The following SMARCB1 variants were observed in gnomAD, a reference collection of about 807,000 sequenced individuals.
The protein encoded by SMARCB1 is SWI/SNF related BAF chromatin remodeling complex subunit B1, also known as SWI/SNF-related matrix-associated actin-dependent regulator of chromatin subfamily B member 1.
Under a neutral mutation model 49.0 loss-of-function variants are expected in SMARCB1, and 5 were observed. The ratio of observed to expected loss-of-function variants is 0.10; its 90% CI spans 0.05 to 0.21. The LOEUF is 0.21. Among genes scored for constraint, SMARCB1 ranks in the 10% least tolerant of loss-of-function variants. SMARCB1 has a pLI of 1.00. For missense variants in SMARCB1, 226 were observed against 509.2 expected, an observed-to-expected ratio of 0.44 and a Z score of 5.35; for synonymous variants, 201 against 200.1, an observed-to-expected ratio of 1.00 and a Z score of -0.04.
At chr22:23,804,751 C>A (rs1437522372) in intron 5 of SMARCB1, among the ~76,000 whole-genome samples, 2 of 152,174 alleles carry the variant, frequency 1.3e-5, no homozygotes, top group East Asian at 3.9e-4. Flanking sequence ...ACCATGTTAG[C>A]CAGGCTGGTC....
At position 23,837,117 on chromosome 22, in the gene SMARCB1, G is replaced by A. The variant is rs764620031; in HGVS notation, c.*2937G>A. The A allele has an allele frequency of 1.3e-5, 21 of 1,613,880 alleles. No individual in the cohort carries two copies. Among genetic ancestry groups the A allele is most frequent in the East Asian group, 4.5e-5 (2 of 44,888 alleles). On this transcript the variant is annotated 3_prime_UTR_variant, in exon 9 of 9. Coordinates refer to ENST00000644036, the MANE Select transcript of SMARCB1 (RefSeq NM_003073.5). ...TGCCTCCAGGCTGGTTGGGGAAGAC[G>A]TCCTCCAGGAAGTAGTAGATATGGC... is the stretch of plus-strand genomic sequence containing the variant.
chr22:23,788,891 C>G (rs1928185434), intron 1 of SMARCB1, among the ~76,000 whole-genome samples: 1 of 150,644 alleles, frequency 6.6e-6, no homozygotes, highest in Non-Finnish European at 1.5e-5. Flanking sequence ...ACTCTATCAC[C>G]CAGGCTGGAG....
At chr22:23,814,560 G>A (rs1200014999) in intron 5 of SMARCB1, among the ~76,000 whole-genome samples, 6 of 151,702 alleles carry the variant, frequency 4.0e-5, no homozygotes, top group Non-Finnish European at 7.4e-5. Context: ...AGCTACTCGG[G>A]CGGGTGAGGC....
At position 23,837,193 on chromosome 22, in the gene SMARCB1, G is replaced by A. The variant is rs1478562916; in HGVS notation, c.*3013G>A. The A allele has an allele frequency of 6.2e-7, 1 of 1,609,528 alleles. No individual in the cohort carries two copies. Among genetic ancestry groups the A allele is most frequent in the African/African-American group, 1.3e-5 (1 of 74,944 alleles). ...ACGGACTGTGGGGTCACCCTCCACA[G>A]CCCAGAGTCCTAGACCAGCAGAGCC... On this transcript the variant is annotated 3_prime_UTR_variant, in exon 9 of 9. Coordinates refer to ENST00000644036, the MANE Select transcript of SMARCB1 (RefSeq NM_003073.5).
At chr22:23,827,310 G>T (rs187036645) in intron 7 of SMARCB1, among the ~76,000 whole-genome samples, 2 of 152,302 alleles carry the variant, frequency 1.3e-5, no homozygotes, top group Non-Finnish European at 2.9e-5. Context: ...CTCTTGACAG[G>T]TCCTTGCAAC....
At chr22:23,813,825 T>A (rs1488827028) in intron 5 of SMARCB1, among the ~76,000 whole-genome samples, 2 of 152,072 alleles carry the variant, frequency 1.3e-5, no homozygotes, top group Admixed American at 6.6e-5. Context: ...GCAATTTATT[T>A]ATTATTATTA....
At chr22:23,787,642 C>T (rs1008215917) in intron 1 of SMARCB1, among the ~76,000 whole-genome samples, 1 of 152,140 alleles carries the variant, frequency 6.6e-6, no homozygotes, top group African/African-American at 2.4e-5. Flanking sequence ...GTAAATTTCA[C>T]GTGCACCCCT....
At chr22:23,802,974 C>T (rs1426663566) in intron 4 of SMARCB1, 4 of 446,514 alleles carry the variant, frequency 9.0e-6, no homozygotes, top group South Asian at 8.4e-5. Context: ...CTTCTCCTTT[C>T]CCATAGCCTT....
intron 7 of SMARCB1, among the ~76,000 whole-genome samples, chr22:23,828,783 G>A (rs528421764): frequency 6.6e-6 from 1 of 152,306 alleles, no homozygotes; most frequent in Admixed American, 6.5e-5. Context: ...TCGGCAGTGG[G>A]GACATTGATT....
intron 5 of SMARCB1, among the ~76,000 whole-genome samples, chr22:23,805,071 G>A (rs17003946): frequency 0.13 from 19,354 of 152,144 alleles, 1,336 homozygotes; most frequent in South Asian, 0.28. Context: ...ATCCCCAGGC[G>A]CTCAGCATGG....
At chr22:23,807,044 G>A (rs569823886) in intron 5 of SMARCB1, among the ~76,000 whole-genome samples, 1 of 152,076 alleles carries the variant, frequency 6.6e-6, no homozygotes, top group Non-Finnish European at 1.5e-5. Flanking sequence ...CACTGGTGAT[G>A]TATGGTGTCA....
At chr22:23,802,868 C>T (rs1929254694) in intron 4 of SMARCB1, 12 of 335,514 alleles carry the variant, frequency 3.6e-5, no homozygotes, top group South Asian at 2.4e-4. Flanking sequence ...CTGCTCCTCA[C>T]GGAATCTGTG....
chr22:23,816,388 C>G, intron 5 of SMARCB1: 1 of 393,018 alleles, frequency 2.5e-6, no homozygotes. Flanking sequence ...GCCATCACGT[C>G]TGCCACCAGT....
chr22:23,822,401 G>A (rs1474028800), intron 6 of SMARCB1, among the ~76,000 whole-genome samples: 1 of 152,212 alleles, frequency 6.6e-6, no homozygotes, highest in Non-Finnish European at 1.5e-5. Flanking sequence ...CTGCTTGGGA[G>A]TCCTGGCCCC....
intron 5 of SMARCB1, among the ~76,000 whole-genome samples, chr22:23,807,049 G>A (rs1171645204): frequency 6.6e-6 from 1 of 152,108 alleles, no homozygotes; most frequent in Non-Finnish European, 1.5e-5. Context: ...GTGATGTATG[G>A]TGTCACCTGG....
At chr22:23,833,145 C>T (rs1294279773) in intron 7 of SMARCB1, among the ~76,000 whole-genome samples, 4 of 152,188 alleles carry the variant, frequency 2.6e-5, no homozygotes, top group African/African-American at 7.2e-5. Flanking sequence ...CATCCATCCC[C>T]TTTCCCTGAT....
rs2146045094 is a variant in SMARCB1, at chr22:23,834,160, A to C, written c.1138A>C (p.Asn380His). The C allele has an allele frequency of 6.3e-7, 1 of 1,594,484 alleles. No homozygotes were observed. Among genetic ancestry groups the C allele is most frequent in the Non-Finnish European group, 8.5e-7 (1 of 1,170,870 alleles). Residue 380 changes from asparagine (N) to histidine (H), a missense_variant, in exon 9 of 9, where the codon AAC becomes CAC. Asn to His is a moderately conservative substitution (Grantham distance 68, BLOSUM62 1). Transcript: ENST00000644036. ...RNTRRMRRLA[N>H]TAPAW ...TTCCAGGCGGATGAGGCGTCTTGCC[A>C]ACACGGCCCCGGCCTGGTAACCAGC...
rs201408640 is a variant in SMARCB1, at chr22:23,810,527, C to CAAAAAA, written c.629-6228_629-6223dup. Among the ~76,000 whole-genome samples the CAAAAAA allele has an allele frequency of 1.9e-3, 145 of 75,164 alleles. 4 individuals carry two copies. Among genetic ancestry groups the CAAAAAA allele is most frequent in the Non-Finnish European group, 2.2e-3 (95 of 42,444 alleles). The allele number at this position is 75,164 out of a possible 152,430, so 49.3% of individuals were successfully genotyped here. A position where few individuals can be genotyped will look rare whatever the true frequency, so the allele number is the denominator to read the frequency against. On this transcript the variant is annotated intron_variant, in intron 5 of 8. Transcript: ENST00000644036. ...TGGGCAACAGAGCAAGACTCTGTCTCAAAAAAAAAAAAAAAAAAAAGAAAG... is the reference window on the plus strand; with the variant it reads ...TGGGCAACAGAGCAAGACTCTGTCTCAAAAAAAAAAAAAAAAAAAAAAAAAAGAAAG...
rs1397646576 is a variant in SMARCB1 at position 23,793,545 on chromosome 22, T to C, written c.233-14T>C. On this transcript the variant is annotated splice_polypyrimidine_tract_variant and intron_variant, in intron 2 of 8. Coordinates refer to ENST00000644036, the MANE Select transcript of SMARCB1 (RefSeq NM_003073.5). ...CCACCAGCAGAGTGACCCAGTGATGTTTGTCTGTTACAGATCACGGATACA... is the reference window on the plus strand; with the variant it reads ...CCACCAGCAGAGTGACCCAGTGATGCTTGTCTGTTACAGATCACGGATACA... 3.7e-6 allele frequency: 6 copies of C among 1,613,952 alleles called. No homozygotes were observed. The highest frequency in any genetic ancestry group is 1.6e-4 in the Middle Eastern group (1 of 6,082).
Sources: gnomAD v4.1 joint callset for allele counts (sites outside exome capture counted in the v4.1 genomes callset) on GRCh38, gnomAD v4.1.1 for gene constraint, MANE v1.5 for transcripts, NCBI Gene and HGNC (gene_info 2026-07-23, HGNC 2026-07-21) for gene names.